Variants in LRMDA observed in about 807,000 individuals in gnomAD.
The protein encoded by LRMDA is leucine-rich melanocyte differentiation-associated protein.
Under a neutral mutation model 29.8 loss-of-function variants are expected in LRMDA, and 18 were observed. The ratio of observed to expected loss-of-function variants is 0.60; its 90% CI spans 0.42 to 0.90. The LOEUF (loss-of-function observed/expected upper bound fraction) is 0.90, where lower values mean the gene tolerates loss of function less well. Among genes scored for constraint, LRMDA ranks in the 40% least tolerant of loss-of-function variants. The pLI, the probability that LRMDA is intolerant of heterozygous loss-of-function variation, is 0.00. For missense variants in LRMDA, 273 were observed against 273.9 expected, an observed-to-expected ratio of 1.00 and a Z score of 0.02; for synonymous variants, 125 against 109.4, an observed-to-expected ratio of 1.14 and a Z score of -0.89.
intron 5 of LRMDA, among the ~76,000 whole-genome samples, chr10:76,066,368 A>AT (rs1265674863): frequency 6.6e-6 from 1 of 152,196 alleles, no homozygotes; most frequent in African/African-American, 2.4e-5. Flanking sequence ...CTGCTTAACA[A>AT]TTTTATCTCT....
intron 2 of LRMDA, among the ~76,000 whole-genome samples, chr10:75,603,441 A>G (rs1840914204): frequency 6.6e-6 from 1 of 152,196 alleles, no homozygotes; most frequent in African/African-American, 2.4e-5. Context: ...AAAATCTTGA[A>G]AAATATTATT....
chr10:76,006,981 G>GGTGTGTGTGTGTGTGT (rs1847673989), intron 2 of LRMDA, among the ~76,000 whole-genome samples: 1 of 84,452 alleles, frequency 1.2e-5, no homozygotes, highest in South Asian at 3.9e-4. Flanking sequence ...GGATGGAGAA[G>GGTGTGTGTGTGTGTGT]GCGTGTGTGT....
chr10:75,552,418 T>TC (rs1296604950), intron 2 of LRMDA: 1 of 284,968 alleles, frequency 3.5e-6, no homozygotes, highest in Non-Finnish European at 7.6e-6. Context: ...TCTGTGTTTT[T>TC]TTTTTTTCCC....
chr10:75,574,329 T>C (rs1486472026), intron 2 of LRMDA, among the ~76,000 whole-genome samples: 1 of 152,210 alleles, frequency 6.6e-6, no homozygotes, highest in Non-Finnish European at 1.5e-5. Context: ...AGTTATGTTT[T>C]ATCCAGATTT....
At chr10:76,251,341 T>C (rs905466950) in intron 5 of LRMDA, among the ~76,000 whole-genome samples, 17 of 140,756 alleles carry the variant, frequency 1.2e-4, no homozygotes, top group East Asian at 2.4e-4. Context: ...CAAGCTCCGC[T>C]TCCCGGGTTC....
chr10:75,788,191 C>T (rs4746328), intron 2 of LRMDA, among the ~76,000 whole-genome samples: 57,955 of 152,112 alleles, frequency 0.38, 13,042 homozygotes, highest in South Asian at 0.51. Flanking sequence ...CAGAGCGAGA[C>T]TCTGTCTCAG....
intron 6 of LRMDA, among the ~76,000 whole-genome samples, chr10:76,532,222 T>C (rs549395164): frequency 6.3e-4 from 96 of 152,252 alleles, no homozygotes; most frequent in African/African-American, 2.3e-3. Context: ...TTCCCCTCCC[T>C]GTGTCCATGT....
intron 2 of LRMDA, among the ~76,000 whole-genome samples, chr10:76,033,633 C>T (rs891424498): frequency 1.3e-5 from 2 of 152,158 alleles, no homozygotes; most frequent in African/African-American, 4.8e-5. Flanking sequence ...CTAATATTTG[C>T]ATAACGTAAC....
intron 2 of LRMDA, among the ~76,000 whole-genome samples, chr10:75,512,715 ATC>A (rs1417673193): frequency 3.9e-5 from 6 of 152,030 alleles, no homozygotes; most frequent in Admixed American, 6.6e-5. Flanking sequence ...AATGATTTGC[ATC>A]TCTCTCTCTG....
chr10:76,150,990 G>A (rs1850430247), intron 5 of LRMDA, among the ~76,000 whole-genome samples: 1 of 152,052 alleles, frequency 6.6e-6, no homozygotes, highest in Non-Finnish European at 1.5e-5. Flanking sequence ...ATTAATAGAG[G>A]CTCTCCATTA....
intron 2 of LRMDA, among the ~76,000 whole-genome samples, chr10:75,641,992 C>G (rs1429463253): frequency 6.6e-6 from 1 of 152,144 alleles, no homozygotes; most frequent in African/African-American, 2.4e-5. Flanking sequence ...CTCATAACTC[C>G]TCACATAGCA....
chr10:76,013,073 C>T, intron 2 of LRMDA, among the ~76,000 whole-genome samples: 1 of 152,104 alleles, frequency 6.6e-6, no homozygotes, highest in Non-Finnish European at 1.5e-5. Context: ...TTAATTAGTA[C>T]TAATTACCTC....
At chr10:76,403,602 T>G (rs1019395283) in intron 6 of LRMDA, among the ~76,000 whole-genome samples, 4 of 152,198 alleles carry the variant, frequency 2.6e-5, no homozygotes, top group African/African-American at 7.2e-5. Context: ...AAAGCTAAAA[T>G]TATTAATCTT....
intron 2 of LRMDA, among the ~76,000 whole-genome samples, chr10:75,573,856 AT>A (rs1840468005): frequency 6.6e-6 from 1 of 152,174 alleles, no homozygotes; most frequent in Non-Finnish European, 1.5e-5. Flanking sequence ...AAGGATCACT[AT>A]TTTTGAAAAT....
At chr10:75,697,791 C>T (rs1030594300) in intron 2 of LRMDA, among the ~76,000 whole-genome samples, 6 of 151,612 alleles carry the variant, frequency 4.0e-5, no homozygotes, top group Non-Finnish European at 8.8e-5. Flanking sequence ...GCTAGAAACA[C>T]GTGGGCAACT....
At chr10:76,435,189 C>T (rs994421612) in intron 6 of LRMDA, among the ~76,000 whole-genome samples, 7 of 152,156 alleles carry the variant, frequency 4.6e-5, no homozygotes, top group African/African-American at 1.2e-4. Context: ...TAGAGATTAT[C>T]GGCCCAAGCA....
At chr10:75,580,689 C>T (rs1297600902) in intron 2 of LRMDA, among the ~76,000 whole-genome samples, 1 of 152,122 alleles carries the variant, frequency 6.6e-6, no homozygotes, top group Non-Finnish European at 1.5e-5. Context: ...CTACAGTAAC[C>T]AAAACAGCAT....
At chr10:76,350,781 C>T (rs527737040) in intron 6 of LRMDA, among the ~76,000 whole-genome samples, 4 of 152,168 alleles carry the variant, frequency 2.6e-5, no homozygotes, top group Admixed American at 2.6e-4. Context: ...GAAGCTATTG[C>T]TACATAATTT....
chr10:76,476,363 C>T (rs1305878176), intron 6 of LRMDA, among the ~76,000 whole-genome samples: 2 of 152,082 alleles, frequency 1.3e-5, no homozygotes, highest in Non-Finnish European at 2.9e-5. Flanking sequence ...GAAGCAAAAT[C>T]ACTTAATAGA....
Sources: allele counts gnomAD v4.1 joint callset (sites outside exome capture counted in the v4.1 genomes callset), GRCh38; gene constraint gnomAD v4.1.1; transcripts MANE v1.5; gene names NCBI Gene and HGNC (gene_info 2026-07-23, HGNC 2026-07-21).